RETREG1: variants seen among roughly 807,000 people sequenced by gnomAD.
RETREG1 encodes family with sequence similarity 134 member B.
RETREG1 carries 44 observed loss-of-function variants against 54.8 expected under a neutral mutation model. The observed-to-expected ratio is 0.80, with a 90% CI of 0.63 to 1.03. The LOEUF (loss-of-function observed/expected upper bound fraction) is 1.03. Among genes scored for constraint, RETREG1 ranks in the 50% least tolerant of loss-of-function variants. The pLI is 0.00. For missense variants in RETREG1, 554 were observed against 605.1 expected, an observed-to-expected ratio of 0.92 and a Z score of 0.89; for synonymous variants, 217 against 238.5, an observed-to-expected ratio of 0.91 and a Z score of 0.83.
At chr5:16,478,197 T>C in intron 6 of RETREG1, 99 bp from the exon 7 acceptor site, 2 of 734,812 alleles carry the variant, frequency 2.7e-6, no homozygotes, top group Non-Finnish European at 4.8e-6. Flanking sequence ...TCTCATATTC[T>C]CCAAATACAA....
chr5:16,599,973 T>A (rs960071640), intron 1 of RETREG1, among the ~76,000 whole-genome samples: 8 of 152,036 alleles, frequency 5.3e-5, no homozygotes, highest in African/African-American at 1.9e-4. Flanking sequence ...GAGCTGCAGG[T>A]CCCAGGAAAG....
At chr5:16,615,444 A>G (rs990060696) in intron 1 of RETREG1, among the ~76,000 whole-genome samples, 5 of 152,018 alleles carry the variant, frequency 3.3e-5, no homozygotes, top group African/African-American at 1.2e-4. Flanking sequence ...AAAAAGAAAT[A>G]AAATGTTAAA....
intron 3 of RETREG1, among the ~76,000 whole-genome samples, chr5:16,528,036 CT>C (rs1740777786): frequency 6.6e-6 from 1 of 151,940 alleles, no homozygotes; most frequent in African/African-American, 2.4e-5. Flanking sequence ...GCCTCAATCT[CT>C]TGACCTCGTG....
chr5:16,591,367 G>A (rs185931954), intron 1 of RETREG1, among the ~76,000 whole-genome samples: 1 of 152,142 alleles, frequency 6.6e-6, no homozygotes, highest in Non-Finnish European at 1.5e-5. Context: ...AAATGCCACA[G>A]GTAACCACCC....
At chr5:16,590,085 A>G (rs1742719403) in intron 1 of RETREG1, among the ~76,000 whole-genome samples, 1 of 152,216 alleles carries the variant, frequency 6.6e-6, no homozygotes, top group Admixed American at 6.5e-5. Context: ...CCTAGATCCT[A>G]TTTCCAGAAC....
In RETREG1 at chr5:16,478,967, G is replaced by C. The variant is rs1389950630; in HGVS notation, c.691C>G (p.Pro231Ala). The C allele has an allele frequency of 3.7e-6, 6 of 1,611,656 alleles. No individual in the cohort carries two copies. Among genetic ancestry groups the C allele is most frequent in the African/African-American group, 1.3e-5 (1 of 74,742 alleles). ...CCAATATCATTACATTTAAACAATG[G>C]ACACAAAAATGCACACAGTACTGAA... Reference protein sequence around the residue: ...YLLLLCAFLCPLFKCNDIGQK... With the variant: ...YLLLLCAFLCALFKCNDIGQK... The change falls in exon 6 of 9, where the codon CCA (proline) becomes GCA (alanine). Residue 231 changes from proline (P) to alanine (A), a missense_variant. Coordinates refer to ENST00000306320, the MANE Select transcript of RETREG1 (RefSeq NM_001034850.3).
chr5:16,527,424 T>C (rs1740747506), intron 3 of RETREG1, among the ~76,000 whole-genome samples: 1 of 152,226 alleles, frequency 6.6e-6, no homozygotes. Flanking sequence ...GATGTAGCCA[T>C]GTGTTTGTGA....
chr5:16,477,574 ATGTTATTTAC>A, intron 8 of RETREG1, 78 bp downstream of exon 8: 1 of 1,188,170 alleles, frequency 8.4e-7, no homozygotes, highest in Non-Finnish European at 1.2e-6. Context: ...TGGTGGTAAC[ATGTTATTTAC>A]CCATTCAGTA....
At chr5:16,557,929 G>A (rs1316048085) in intron 3 of RETREG1, among the ~76,000 whole-genome samples, 2 of 152,118 alleles carry the variant, frequency 1.3e-5, no homozygotes, top group Non-Finnish European at 2.9e-5. Context: ...ATGTGATTAA[G>A]ACATGAGGGG....
rs552902018 is a variant in RETREG1, at chr5:16,487,599, G to A, written c.459-4127C>T. Reference sequence around the variant, plus strand: ...GTAACTGTAAATGACTCCCAAAAAAGCCCCAGCAGATGCCATCTGGTTAAG... The same window carrying A: ...GTAACTGTAAATGACTCCCAAAAAAACCCCAGCAGATGCCATCTGGTTAAG... On this transcript the variant is annotated intron_variant, in intron 3 of 8. Coordinates refer to ENST00000306320, the MANE Select transcript of RETREG1 (RefSeq NM_001034850.3). Among the ~76,000 whole-genome samples the A allele has an allele frequency of 4.6e-5, 7 of 152,326 alleles. No individual in the cohort carries two copies. In the East Asian group the frequency reaches 1.2e-3, roughly 25 times the overall value.
rs1031515853 is a variant in RETREG1, at chr5:16,561,451, C to T, written c.458+4312G>A. 1.3e-5 allele frequency among the ~76,000 whole-genome samples: 2 copies of T among 151,914 alleles called. No individual in the cohort carries two copies. Among genetic ancestry groups the T allele is most frequent in the African/African-American group, 2.4e-5 (1 of 41,330 alleles). ...GGTGGAGCTTGCAGAGAGCCAAGAT[C>T]GCTCTACCACACTCCAGCCTGGGCG... On this transcript the variant is annotated intron_variant, in intron 3 of 8. Coordinates refer to ENST00000306320, the MANE Select transcript of RETREG1 (RefSeq NM_001034850.3). This position sits in a 1 kb window ranked among gnomAD's most constrained non-coding sequence, Gnocchi z 4.2.
chr5:16,573,180 C>CAAAAAAAAA (rs11303408), intron 1 of RETREG1, among the ~76,000 whole-genome samples: 6 of 45,144 alleles, frequency 1.3e-4, no homozygotes, highest in African/African-American at 3.7e-4. Context: ...GATTCTGTCT[C>CAAAAAAAAA]AAAAAAAAAA....
At chr5:16,497,976 T>C (rs1283659165) in intron 3 of RETREG1, among the ~76,000 whole-genome samples, 4 of 152,254 alleles carry the variant, frequency 2.6e-5, no homozygotes, top group Non-Finnish European at 5.9e-5. Flanking sequence ...CCTTAGTTTA[T>C]TGAGCAAATC....
At chr5:16,506,008 C>T (rs1194844130) in intron 3 of RETREG1, among the ~76,000 whole-genome samples, 1 of 152,190 alleles carries the variant, frequency 6.6e-6, no homozygotes, top group African/African-American at 2.4e-5. Context: ...TAAGATAAAC[C>T]ACAAGGAGGG....
intron 1 of RETREG1, among the ~76,000 whole-genome samples, chr5:16,600,577 G>C (rs559723247): frequency 6.6e-6 from 1 of 152,256 alleles, no homozygotes; most frequent in African/African-American, 2.4e-5. Flanking sequence ...TCGGAGTCAG[G>C]CTTCCCCTCC....
intron 3 of RETREG1, chr5:16,508,939 G>A (rs1002871451): frequency 1.0e-5 from 12 of 1,175,534 alleles, no homozygotes; most frequent in Admixed American, 4.0e-5. Context: ...CAGCTGCCCC[G>A]CATTCTCTCT....
chr5:16,527,323 A>G (rs933829195), intron 3 of RETREG1, among the ~76,000 whole-genome samples: 2 of 152,226 alleles, frequency 1.3e-5, no homozygotes, highest in Non-Finnish European at 2.9e-5. Flanking sequence ...AGGGCTTTAC[A>G]GTGCTGTGTG....
chr5:16,613,502 T>C (rs543657965), intron 1 of RETREG1, among the ~76,000 whole-genome samples: 1 of 152,368 alleles, frequency 6.6e-6, no homozygotes, highest in East Asian at 1.9e-4. Context: ...CTTTTAGTTA[T>C]ACCCATTGGT....
Position 16,594,474 on chromosome 5 carries a change from G to A in RETREG1, c.320+22178C>T, listed in dbSNP as rs147791201. Among the ~76,000 whole-genome samples the A allele has an allele frequency of 3.0e-4, 46 of 151,924 alleles. No individual in the cohort carries two copies. The highest frequency in any genetic ancestry group is 7.2e-4 in the African/African-American group (30 of 41,428). On this transcript the variant is annotated intron_variant, in intron 1 of 8. Coordinates refer to ENST00000306320, the MANE Select transcript of RETREG1 (RefSeq NM_001034850.3). This position sits in a 1 kb window ranked among gnomAD's most constrained non-coding sequence, Gnocchi z 4.4. ...GCGTGGTGGCTCACACCTATAATCC[G>A]TGCACTTTGAGAGGCTGAGGCGGGT... is the stretch of plus-strand genomic sequence containing the variant.
Sources: gnomAD v4.1 joint callset for allele counts (sites outside exome capture counted in the v4.1 genomes callset) on GRCh38, gnomAD v4.1.1 for gene constraint, Gnocchi (gnomAD v3.1) non-coding constraint, MANE v1.5 for transcripts, NCBI Gene and HGNC (gene_info 2026-07-23, HGNC 2026-07-21) for gene names.